Variants in NEBL observed in about 807,000 individuals in gnomAD.
The protein encoded by NEBL is LIM and SH3 protein 2.
In NEBL, 122 loss-of-function variants were observed where a neutral mutation model predicts 140.2. The observed-to-expected ratio is 0.87, with a 90% CI of 0.75 to 1.01. NEBL has a LOEUF of 1.01. NEBL is among the 50% of genes least tolerant of loss of function. The probability of loss-of-function intolerance (pLI) is 0.00; values close to 1 mark genes in which losing one functional copy is unlikely to be tolerated. For missense variants in NEBL, 1,365 were observed against 1,231.3 expected (o/e 1.11, Z -1.62); for synonymous variants, 436 against 398.9 (o/e 1.09, Z -1.11).
At chr10:20,858,430 G>A (rs1174885641) in intron 8 of NEBL, 86 bp from the exon 9 acceptor site, 2 of 1,150,096 alleles carry the variant, frequency 1.7e-6, no homozygotes. Flanking sequence ...ACATCATAAA[G>A]TAGGACTATT....
chr10:20,897,037 A>T lies in NEBL; in HGVS notation c.82-8T>A. 6.2e-7 allele frequency: 1 copy of T among 1,609,564 alleles called. No homozygotes were observed. Among genetic ancestry groups the T allele is most frequent in the African/African-American group, 1.3e-5 (1 of 74,802 alleles). On this transcript the variant is annotated splice_polypyrimidine_tract_variant and splice_region_variant and intron_variant, in intron 1 of 27. Transcript: ENST00000377122. ...AACAGGCTTATAGAAGACCTATTTG[A>T]AAAAAAAGAAAAGAACAGAAAGAAC...
At chr10:20,928,759 G>GT (rs1247347647) in intron 4 of NEBL, among the ~76,000 whole-genome samples, 1 of 151,976 alleles carries the variant, frequency 6.6e-6, no homozygotes, top group Non-Finnish European at 1.5e-5. Flanking sequence ...CCTCTCTCTT[G>GT]TATCACCGGT....
At chr10:21,015,160 G>C (rs2131751377) in intron 3 of NEBL, among the ~76,000 whole-genome samples, 1 of 152,214 alleles carries the variant, frequency 6.6e-6, no homozygotes, top group East Asian at 1.9e-4. Context: ...TTCATTTTAA[G>C]CAGCCTTTTT....
intron 4 of NEBL, among the ~76,000 whole-genome samples, chr10:20,918,406 A>T (rs991230867): frequency 6.6e-6 from 1 of 152,028 alleles, no homozygotes; most frequent in Non-Finnish European, 1.5e-5. Flanking sequence ...TGAGTTTGGG[A>T]AAGTTATTTA....
intron 2 of NEBL, among the ~76,000 whole-genome samples, chr10:21,084,928 C>G (rs955035817): frequency 2.6e-5 from 4 of 152,142 alleles, no homozygotes; most frequent in African/African-American, 9.7e-5. Flanking sequence ...GCATGGCTAG[C>G]CCTGTTGCAC....
At chr10:20,837,701 A>T (rs960175177) in intron 13 of NEBL, among the ~76,000 whole-genome samples, 2 of 152,196 alleles carry the variant, frequency 1.3e-5, no homozygotes, top group Non-Finnish European at 2.9e-5. Flanking sequence ...GGAGAAGTCA[A>T]TGTCTGCTTC....
chr10:20,996,435 G>C (rs551504959), intron 3 of NEBL, among the ~76,000 whole-genome samples: 30 of 152,252 alleles, frequency 2.0e-4, no homozygotes, highest in African/African-American at 7.0e-4. Flanking sequence ...GTTATTTCCT[G>C]GGTGCCTGGA....
chr10:20,933,630 A>T (rs1328619247), intron 4 of NEBL, among the ~76,000 whole-genome samples: 2 of 152,208 alleles, frequency 1.3e-5, no homozygotes, highest in African/African-American at 4.8e-5. Context: ...GCTACCTGGG[A>T]GGCTGAGGCA....
intron 2 of NEBL, among the ~76,000 whole-genome samples, chr10:21,092,212 G>A (rs556642280): frequency 9.9e-5 from 15 of 152,278 alleles, no homozygotes; most frequent in African/African-American, 3.6e-4. Flanking sequence ...AAGGATACAT[G>A]TTCTACGGGT....
intron 3 of NEBL, among the ~76,000 whole-genome samples, chr10:21,186,988 A>ATGTGTGTGTGTGTGTGTGTG (rs35359446): frequency 7.0e-6 from 1 of 141,890 alleles, no homozygotes; most frequent in East Asian, 2.1e-4. Context: ...CCAACTCTGT[A>ATGTGTGTGTGTGTGTGTGTG]TGTGTGTGTG....
At chr10:21,131,104 A>G (rs1461261074) in intron 2 of NEBL, among the ~76,000 whole-genome samples, 2 of 152,214 alleles carry the variant, frequency 1.3e-5, no homozygotes. Context: ...AAAGAATACT[A>G]CAAACAACCC....
chr10:20,868,658 C>A lies in NEBL; in HGVS notation c.684+6G>T. ...AGTCATTGTGGAATCATCACTAAAG[C>A]CTTACTTGACTAGAAAGTTTAGAAG... is the stretch of plus-strand genomic sequence containing the variant. On this transcript the variant is annotated splice_donor_region_variant and intron_variant, in intron 7 of 27. Coordinates refer to ENST00000377122, the MANE Select transcript of NEBL (RefSeq NM_006393.3). 1 of 1,574,140 alleles carries A rather than the reference C, an allele frequency of 6.4e-7. No individual in the cohort carries two copies. The highest frequency in any genetic ancestry group is 8.7e-7 in the Non-Finnish European group (1 of 1,143,850).
chr10:20,949,128 C>CTTTGTTTCTTTGTCTTG (rs1835319619), intron 4 of NEBL, among the ~76,000 whole-genome samples: 1 of 152,050 alleles, frequency 6.6e-6, no homozygotes, highest in East Asian at 1.9e-4. Context: ...TATTTGAATA[C>CTTTGTTTCTTTGTCTTG]CCTTTATTTC....
chr10:20,918,179 T>C (rs1833399944), intron 4 of NEBL, among the ~76,000 whole-genome samples: 2 of 151,972 alleles, frequency 1.3e-5, no homozygotes, highest in Non-Finnish European at 1.5e-5. Flanking sequence ...GCCAACATGC[T>C]GAAACCCTGT....
intron 2 of NEBL, among the ~76,000 whole-genome samples, chr10:21,065,475 T>C (rs563583688): frequency 2.0e-4 from 31 of 152,256 alleles, no homozygotes; most frequent in Admixed American, 4.6e-4. Context: ...GTGCCGAAAA[T>C]GAATTAAGCA....
At chr10:20,901,445 C>T (rs1340687491), upstream of NEBL, among the ~76,000 whole-genome samples, 1 of 152,100 alleles carries the variant, frequency 6.6e-6, no homozygotes, top group African/African-American at 2.4e-5. Flanking sequence ...TTGACTGTTT[C>T]ACACTTATTT....
rs1441366898 is a variant in NEBL, at chr10:21,210,766, G to A, written n.348+37155C>T. 5.3e-5 allele frequency among the ~76,000 whole-genome samples: 8 copies of A among 152,194 alleles called. No individual in the cohort carries two copies. The East Asian group carries it at 1.2e-3, about 22-fold the overall frequency. On this transcript the variant is annotated intron_variant and non_coding_transcript_variant, in intron 3 of 8. Coordinates refer to the NEBL transcript ENST00000675702. Reference sequence around the variant, plus strand: ...TTGGACTCCTGAGACTCACAGAGAGGAGGAACATACGTTAAGATATCATAT... The same window carrying A: ...TTGGACTCCTGAGACTCACAGAGAGAAGGAACATACGTTAAGATATCATAT...
chr10:21,234,048 T>C (rs1842313342), intron 3 of NEBL, among the ~76,000 whole-genome samples: 1 of 150,118 alleles, frequency 6.7e-6, no homozygotes, highest in Non-Finnish European at 1.5e-5. Flanking sequence ...GATAGATAGA[T>C]ATCTCCAAGA....
intron 1 of NEBL, among the ~76,000 whole-genome samples, chr10:21,284,210 CAAAAAAAAAAAA>C (rs35693200): frequency 5.1e-4 from 19 of 37,190 alleles, no homozygotes; most frequent in Admixed American, 1.9e-3. Flanking sequence ...ACTCCGTCTC[CAAAAAAAAAAAA>C]AAAAAAAAAA....
Sources: allele counts gnomAD v4.1 joint callset (sites outside exome capture counted in the v4.1 genomes callset), GRCh38; gene constraint gnomAD v4.1.1; transcripts MANE v1.5; gene names NCBI Gene and HGNC (gene_info 2026-07-23, HGNC 2026-07-21).